ARHGEF10L: variants seen among roughly 807,000 people sequenced by gnomAD.
ARHGEF10L encodes the protein Rho guanine nucleotide exchange factor 10 like.
ARHGEF10L carries 69 observed loss-of-function variants against 141.2 expected under a neutral mutation model. The ratio of observed to expected loss-of-function variants is 0.49; its 90% confidence interval spans 0.40 to 0.60. ARHGEF10L has a LOEUF of 0.60. Ranked by LOEUF, ARHGEF10L falls within the 20% of genes least tolerant of loss-of-function variation. The pLI is 0.00. For synonymous variants in ARHGEF10L, 711 were observed against 718.5 expected, an observed-to-expected ratio of 0.99 and a Z score of 0.17; for missense variants, 1,482 against 1,734.3, an observed-to-expected ratio of 0.85 and a Z score of 2.58.
At chr1:17,554,518 G>A (rs574805625) in intron 1 of ARHGEF10L, among the ~76,000 whole-genome samples, 159 of 151,294 alleles carry the variant, frequency 1.1e-3, no homozygotes, top group Non-Finnish European at 1.8e-3. Flanking sequence ...GCCAGACCCA[G>A]CAATAGAAGG....
At chr1:17,643,916 G>T in intron 21 of ARHGEF10L, among the ~76,000 whole-genome samples, 1 of 152,152 alleles carries the variant, frequency 6.6e-6, no homozygotes, top group Admixed American at 6.5e-5. Context: ...GTTGGTAAAA[G>T]CTCCAGAACA....
At chr1:17,671,840 T>A (rs2063340575) in intron 26 of ARHGEF10L, among the ~76,000 whole-genome samples, 1 of 152,162 alleles carries the variant, frequency 6.6e-6, no homozygotes. Context: ...ATTGTTACCA[T>A]CCTATCCCCA....
chr1:17,587,216 C>T (rs1374174596), intron 2 of ARHGEF10L, among the ~76,000 whole-genome samples: 1 of 152,178 alleles, frequency 6.6e-6, no homozygotes, highest in Non-Finnish European at 1.5e-5. Context: ...GGTGCACAGG[C>T]TCGCCCTGGG....
intron 12 of ARHGEF10L, 29 bp from the exon 13 acceptor site, chr1:17,624,358 C>T (rs1409673329): frequency 8.3e-6 from 13 of 1,572,900 alleles, no homozygotes; most frequent in African/African-American, 2.7e-5. Flanking sequence ...TTGAGGCGGT[C>T]TCCCTGGCCC....
At chr1:17,677,606 G>T (rs567000581) in intron 26 of ARHGEF10L, among the ~76,000 whole-genome samples, 7 of 152,304 alleles carry the variant, frequency 4.6e-5, no homozygotes, top group Middle Eastern at 3.4e-3. Flanking sequence ...GGAGATCAGG[G>T]GGGGAGAGAC....
chr1:17,519,479 A>G, the ARHGEF10L span, among the ~76,000 whole-genome samples: 1 of 151,586 alleles, frequency 6.6e-6, no homozygotes, highest in African/African-American at 2.4e-5. Flanking sequence ...GAGTGGTGGC[A>G]TGCACCTGTG....
At chr1:17,691,419 G>C (rs1435116421) in intron 27 of ARHGEF10L, among the ~76,000 whole-genome samples, 1 of 152,088 alleles carries the variant, frequency 6.6e-6, no homozygotes, top group African/African-American at 2.4e-5. Flanking sequence ...TTGCCGTCCA[G>C]TGGGGGCTGG....
intron 1 of ARHGEF10L, among the ~76,000 whole-genome samples, chr1:17,561,813 G>C (rs71644057): frequency 0.021 from 3,143 of 152,158 alleles, 55 homozygotes; most frequent in East Asian, 0.085. Flanking sequence ...TCCTTTCTTG[G>C]GGCTCTGAGA....
intron 1 of ARHGEF10L, among the ~76,000 whole-genome samples, chr1:17,555,799 C>T (rs1011593078): frequency 1.6e-4 from 25 of 152,258 alleles, no homozygotes; most frequent in African/African-American, 4.6e-4. Context: ...TTCTTTCTGT[C>T]GTGTCCCTTC....
the ARHGEF10L span, among the ~76,000 whole-genome samples, chr1:17,529,387 T>C: frequency 6.6e-6 from 1 of 152,322 alleles, no homozygotes; most frequent in African/African-American, 2.4e-5. Flanking sequence ...GGCTTGTCCT[T>C]GGCAGCCACA....
At chr1:17,616,227 G>T (rs1437847813) in intron 9 of ARHGEF10L, 25 bp downstream of exon 9, 3 of 1,448,126 alleles carry the variant, frequency 2.1e-6, no homozygotes, top group Non-Finnish European at 2.9e-6. Context: ...GAGCGGGAGG[G>T]TCTGGTGCCC....
chr1:17,677,608 G>A (rs887259885), intron 26 of ARHGEF10L, among the ~76,000 whole-genome samples: 2 of 152,196 alleles, frequency 1.3e-5, no homozygotes, highest in Non-Finnish European at 2.9e-5. Context: ...AGATCAGGGG[G>A]GGAGAGACCA....
chr1:17,674,862 A>G (rs2063546752), intron 26 of ARHGEF10L, among the ~76,000 whole-genome samples: 1 of 152,190 alleles, frequency 6.6e-6, no homozygotes, highest in African/African-American at 2.4e-5. Flanking sequence ...TATGAGGCCT[A>G]GGAGCAACAG....
At position 17,558,325 on chromosome 1, in the gene ARHGEF10L, G is replaced by C. The variant is rs935783358; in HGVS notation, c.-44+18375G>C. 1.3e-5 allele frequency among the ~76,000 whole-genome samples: 2 copies of C among 152,054 alleles called. No homozygotes were observed. The highest frequency in any genetic ancestry group is 2.9e-5 in the Non-Finnish European group (2 of 68,004). The stretch of plus-strand genomic sequence containing the variant: ...CCCACTCATCCACCCATCATCTCTT[G>C]AATCTCTTCGGCATGCTAAGGACTG... On this transcript the variant is annotated intron_variant, in intron 1 of 28. Transcript: ENST00000361221. This position sits in a 1 kb window ranked among gnomAD's most constrained non-coding sequence, Gnocchi z 4.2.
intron 1 of ARHGEF10L, among the ~76,000 whole-genome samples, chr1:17,545,972 A>G (rs2076900392): frequency 6.6e-6 from 1 of 152,168 alleles, no homozygotes; most frequent in African/African-American, 2.4e-5. Flanking sequence ...AATTATTGAG[A>G]GTTCAGTCTG....
At chr1:17,638,977 T>C (rs761043366) in intron 20 of ARHGEF10L, among the ~76,000 whole-genome samples, 5 of 152,210 alleles carry the variant, frequency 3.3e-5, no homozygotes, top group Non-Finnish European at 5.9e-5. Context: ...CAGTTCCATT[T>C]GCGCTGTGTC....
chr1:17,638,601 C>T lies in ARHGEF10L; in HGVS notation c.2083C>T (p.Leu695=). 6.2e-7 allele frequency: 1 copy of T among 1,614,170 alleles called. No individual in the cohort carries two copies. Among genetic ancestry groups the T allele is most frequent in the Non-Finnish European group, 8.5e-7 (1 of 1,180,032 alleles). The part of the protein sequence containing the change: ...MTVAQDWCLA[L]QRLMRVKEEE... ...TGTGGCTCAAGACTGGTGCCTGGCCCTGCAGAGGCTGATGCGGGTGAAGGA... is the reference window on the plus strand; with the variant it reads ...TGTGGCTCAAGACTGGTGCCTGGCCTTGCAGAGGCTGATGCGGGTGAAGGA... Residue 695 remains leucine (L), a synonymous_variant, in exon 20 of 29, where the codon CTG becomes TTG. Transcript: ENST00000361221.
chr1:17,520,922 G>A, the ARHGEF10L span, among the ~76,000 whole-genome samples: 4 of 152,172 alleles, frequency 2.6e-5, no homozygotes, highest in Admixed American at 2.6e-4. Flanking sequence ...GTTGGAAGGC[G>A]GACTGGCTGA....
At chr1:17,612,355 A>T (rs904217642) in intron 7 of ARHGEF10L, among the ~76,000 whole-genome samples, 4 of 152,006 alleles carry the variant, frequency 2.6e-5, no homozygotes, top group African/African-American at 9.7e-5. Context: ...CCTTCATCTG[A>T]CTGTCTCTTC....
Sources: allele counts gnomAD v4.1 joint callset (sites outside exome capture counted in the v4.1 genomes callset), GRCh38; gene constraint gnomAD v4.1.1; non-coding constraint Gnocchi (gnomAD v3.1); transcripts MANE v1.5; gene names NCBI Gene and HGNC (gene_info 2026-07-23, HGNC 2026-07-21).